The following IMMP2L variants were observed in gnomAD, a reference collection of about 807,000 sequenced individuals.
IMMP2L encodes mitochondrial inner membrane protease subunit 2.
A neutral mutation model predicts 19.3 loss-of-function variants in IMMP2L; 18 were observed. That is an observed-to-expected ratio of 0.93 (90% confidence interval 0.64 to 1.38). The LOEUF (loss-of-function observed/expected upper bound fraction) is 1.38. Among genes scored for constraint, IMMP2L ranks in the 40% most tolerant of loss-of-function variants. The probability of loss-of-function intolerance (pLI) is 0.00; values close to 1 mark genes in which losing one functional copy is unlikely to be tolerated. For synonymous variants in IMMP2L, 76 were observed against 73.0 expected, an observed-to-expected ratio of 1.04 and a Z score of -0.21; for missense variants, 233 against 218.2, an observed-to-expected ratio of 1.07 and a Z score of -0.43.
intron 3 of IMMP2L, among the ~76,000 whole-genome samples, chr7:111,098,977 G>T (rs932885451): frequency 9.9e-5 from 15 of 151,638 alleles, no homozygotes; most frequent in African/African-American, 3.1e-4. Flanking sequence ...ACCTTTGTAG[G>T]ATTCTTCTTT....
At chr7:111,192,804 T>G (rs1335986181) in intron 3 of IMMP2L, among the ~76,000 whole-genome samples, 1 of 152,004 alleles carries the variant, frequency 6.6e-6, no homozygotes, top group Non-Finnish European at 1.5e-5. Context: ...TAGCCACAAT[T>G]TTAAGCAGGA....
chr7:111,060,500 T>A, intron 3 of IMMP2L, among the ~76,000 whole-genome samples: 1 of 152,144 alleles, frequency 6.6e-6, no homozygotes, highest in Admixed American at 6.5e-5. Context: ...ATTCTACAAA[T>A]AAGCACCATA....
At chr7:111,515,975 CACA>C (rs1413190647) in intron 2 of IMMP2L, among the ~76,000 whole-genome samples, 1 of 152,032 alleles carries the variant, frequency 6.6e-6, no homozygotes, top group Non-Finnish European at 1.5e-5. Flanking sequence ...AGTGACAAGG[CACA>C]ACTTTTATTA....
intron 3 of IMMP2L, among the ~76,000 whole-genome samples, chr7:111,089,925 C>T (rs1431964870): frequency 6.6e-6 from 1 of 151,506 alleles, no homozygotes; most frequent in African/African-American, 2.4e-5. Flanking sequence ...TGTCAATAAG[C>T]ACTTAAGGAG....
chr7:111,084,706 G>A (rs1796165980), intron 3 of IMMP2L, among the ~76,000 whole-genome samples: 1 of 152,126 alleles, frequency 6.6e-6, no homozygotes, highest in African/African-American at 2.4e-5. Flanking sequence ...GCTTTGATGT[G>A]CAATAACCAA....
chr7:111,465,760 A>G (rs1428992894), intron 3 of IMMP2L, among the ~76,000 whole-genome samples: 8 of 152,144 alleles, frequency 5.3e-5, no homozygotes, highest in Non-Finnish European at 8.8e-5. Context: ...TGTGGAAGTC[A>G]GTGTGGTGAT....
chr7:111,033,920 G>T (rs1348383734), intron 3 of IMMP2L, among the ~76,000 whole-genome samples: 1 of 152,056 alleles, frequency 6.6e-6, no homozygotes, highest in African/African-American at 2.4e-5. Context: ...ACATTGCTCA[G>T]CTATAAAATA....
chr7:111,468,362 T>C (rs1219716120), intron 3 of IMMP2L, among the ~76,000 whole-genome samples: 4 of 152,184 alleles, frequency 2.6e-5, no homozygotes, highest in Admixed American at 6.5e-5. Flanking sequence ...AACCTAATTA[T>C]GGGTATCACA....
chr7:111,269,413 T>C (rs748028077), intron 3 of IMMP2L, among the ~76,000 whole-genome samples: 7 of 152,172 alleles, frequency 4.6e-5, no homozygotes, highest in African/African-American at 9.6e-5. Flanking sequence ...TTGAAAGACA[T>C]GCAAGTATGC....
At chr7:111,025,800 G>A (rs1011896492) in intron 3 of IMMP2L, among the ~76,000 whole-genome samples, 1 of 152,190 alleles carries the variant, frequency 6.6e-6, no homozygotes, top group East Asian at 1.9e-4. Flanking sequence ...TATGAATAAC[G>A]AATCTCATTT....
At chr7:111,336,246 G>A (rs1470122535) in intron 3 of IMMP2L, among the ~76,000 whole-genome samples, 3 of 150,954 alleles carry the variant, frequency 2.0e-5, no homozygotes, top group Non-Finnish European at 3.0e-5. Flanking sequence ...TAGAGACAGG[G>A]TCCCACTATG....
chr7:110,741,092 C>A (rs1420900288), intron 5 of IMMP2L, among the ~76,000 whole-genome samples: 1 of 152,060 alleles, frequency 6.6e-6, no homozygotes, highest in Non-Finnish European at 1.5e-5. Context: ...GTCCAGATGA[C>A]CATCAATCAA....
At chr7:111,418,273 G>A (rs1835137711) in intron 3 of IMMP2L, among the ~76,000 whole-genome samples, 1 of 151,512 alleles carries the variant, frequency 6.6e-6, no homozygotes, top group African/African-American at 2.4e-5. Context: ...GCCTCCAAAT[G>A]GTCTGCCTCC....
At chr7:111,179,541 G>A (rs1182179082) in intron 3 of IMMP2L, among the ~76,000 whole-genome samples, 1 of 151,996 alleles carries the variant, frequency 6.6e-6, no homozygotes, top group Non-Finnish European at 1.5e-5. Flanking sequence ...TCCCTTTACA[G>A]AGAACAAGTA....
At chr7:110,763,803 A>C (rs1798492469) in intron 5 of IMMP2L, among the ~76,000 whole-genome samples, 1 of 152,106 alleles carries the variant, frequency 6.6e-6, no homozygotes, top group Admixed American at 6.6e-5. Context: ...AAAACTGCGA[A>C]TATTTTATAT....
chr7:111,260,077 T>A (rs1817155999), intron 3 of IMMP2L, among the ~76,000 whole-genome samples: 1 of 152,164 alleles, frequency 6.6e-6, no homozygotes, highest in Non-Finnish European at 1.5e-5. Context: ...ACTTTTGTTG[T>A]TGTTTAAGTA....
chr7:111,325,302 C>G (rs1411421118), intron 3 of IMMP2L, among the ~76,000 whole-genome samples: 1 of 151,484 alleles, frequency 6.6e-6, no homozygotes, highest in African/African-American at 2.4e-5. Flanking sequence ...AAAATGAGAA[C>G]CTTTTAAAGA....
At chr7:111,075,906 CATA>C in intron 3 of IMMP2L, among the ~76,000 whole-genome samples, 1 of 152,248 alleles carries the variant, frequency 6.6e-6, no homozygotes, top group South Asian at 2.1e-4. Context: ...TAGAAAAAAA[CATA>C]ATGTTTTACT....
At chr7:111,007,843 C>G (rs1824468363) in intron 3 of IMMP2L, among the ~76,000 whole-genome samples, 1 of 152,030 alleles carries the variant, frequency 6.6e-6, no homozygotes, top group South Asian at 2.1e-4. Context: ...GCATCTAAAA[C>G]AACATCCCAA....
Sources: allele counts gnomAD v4.1 joint callset (sites outside exome capture counted in the v4.1 genomes callset), GRCh38; gene constraint gnomAD v4.1.1; transcripts MANE v1.5; gene names NCBI Gene and HGNC (gene_info 2026-07-23, HGNC 2026-07-21).